The following SYNE2 variants were observed in gnomAD, a reference collection of about 807,000 sequenced individuals.
SYNE2 encodes the protein nesprin-2.
SYNE2 carries 431 observed loss-of-function variants against 856.3 expected under a neutral mutation model. The ratio of observed to expected loss-of-function variants is 0.50; its 90% CI spans 0.47 to 0.55. The LOEUF (loss-of-function observed/expected upper bound fraction) is 0.55. Ranked by LOEUF, SYNE2 falls within the 20% of genes least tolerant of loss-of-function variation. The pLI is 0.00. For synonymous variants in SYNE2, 2,923 were observed against 2,872.3 expected (o/e 1.02, Z -0.56); for missense variants, 8,129 against 8,023.2 (o/e 1.01, Z -0.50).
intron 1 of SYNE2, among the ~76,000 whole-genome samples, chr14:63,775,368 A>T (rs1244907135): frequency 2.0e-5 from 3 of 150,532 alleles, no homozygotes; most frequent in African/African-American, 7.4e-5. Context: ...CCTGCCTCCC[A>T]GTTTCAAGTG....
chr14:64,189,487 T>C (rs951981487), intron 98 of SYNE2, among the ~76,000 whole-genome samples: 4 of 152,212 alleles, frequency 2.6e-5, no homozygotes, highest in African/African-American at 9.6e-5. Flanking sequence ...TCTGGAAAAC[T>C]GTAACTGATA....
At chr14:64,036,918 A>G (rs2153555265) in intron 45 of SYNE2, among the ~76,000 whole-genome samples, 1 of 152,256 alleles carries the variant, frequency 6.6e-6, no homozygotes, top group Middle Eastern at 3.4e-3. Flanking sequence ...GATACACATT[A>G]ATCAACTAAT....
intron 1 of SYNE2, among the ~76,000 whole-genome samples, chr14:63,773,649 A>G (rs530430654): frequency 6.6e-6 from 1 of 152,012 alleles, no homozygotes; most frequent in Admixed American, 6.6e-5. Flanking sequence ...ATAGACTGAA[A>G]CTCCTCGGTT....
chr14:64,118,307 T>A (rs2097867457), intron 66 of SYNE2, among the ~76,000 whole-genome samples: 1 of 152,170 alleles, frequency 6.6e-6, no homozygotes, highest in Non-Finnish European at 1.5e-5. Context: ...ACTTGATCTG[T>A]TGAGCAGGAA....
chr14:64,224,547 GGTAAGAAGCCCCTTCCTTCT>G lies in SYNE2; in HGVS notation c.20469+3_20469+22del. The G allele has an allele frequency of 4.3e-6, 7 of 1,614,030 alleles. No individual in the cohort carries two copies. The highest frequency in any genetic ancestry group is 5.9e-6 in the Non-Finnish European group (7 of 1,179,994). On this transcript the variant is annotated splice_donor_variant and splice_donor_5th_base_variant and intron_variant, in intron 114 of 115. Coordinates refer to ENST00000555002, the MANE Select transcript of SYNE2 (RefSeq NM_182914.3). LOFTEE classifies it high-confidence loss of function. ...CATCCGTGCCAGCTCCCCGAGCAAA[GGTAAGAAGCCCCTTCCTTCT>G]GTGAGAACCTCACTGGTTATTTTTT...
chr14:64,201,013 C>T (rs1482714663), intron 99 of SYNE2, among the ~76,000 whole-genome samples: 4 of 152,194 alleles, frequency 2.6e-5, no homozygotes, highest in Admixed American at 6.5e-5. Context: ...TCATGTGGTC[C>T]AGCATTCACT....
intron 2 of SYNE2, among the ~76,000 whole-genome samples, chr14:63,923,067 G>C (rs1232390093): frequency 6.6e-6 from 1 of 152,166 alleles, no homozygotes; most frequent in Non-Finnish European, 1.5e-5. Flanking sequence ...GTAGCAAGGA[G>C]TAACAAATAT....
intron 1 of SYNE2, among the ~76,000 whole-genome samples, chr14:63,822,514 GAT>G (rs35251628): frequency 0.062 from 9,425 of 152,228 alleles, 319 homozygotes; most frequent in Admixed American, 0.1. Context: ...CTGAGGCAGT[GAT>G]ACCAGTTAGA....
intron 96 of SYNE2, among the ~76,000 whole-genome samples, chr14:64,182,430 C>G (rs887243827): frequency 1.3e-5 from 2 of 151,272 alleles, no homozygotes; most frequent in South Asian, 2.1e-4. Flanking sequence ...TTGGGTGTTT[C>G]TCGCAGAGGG....
At chr14:63,807,819 T>TTATATATA (rs71120288) in intron 1 of SYNE2, among the ~76,000 whole-genome samples, 275 of 25,434 alleles carry the variant, frequency 0.011, 7 homozygotes, top group East Asian at 0.018. Flanking sequence ...TACTCCAGGC[T>TTATATATA]TATATATATA....
rs777864887 is a variant in SYNE2, at chr14:63,990,482, A to G, written c.2385A>G (p.Ile795Met). Residue 795 changes from isoleucine to methionine, a missense_variant, in exon 20 of 116, where the codon ATA (isoleucine) becomes ATG (methionine). Ile to Met is a conservative substitution (Grantham distance 10). Around this residue, in one of 3 missense-constraint regions of SYNE2, gnomAD observed 2,422 missense variants for 2,357.4 expected, o/e 1.03. Transcript: ENST00000555002. The part of the protein sequence containing the change: ...ARSEDMLQMD[I>M]QNISSQESFQ... ...GTGAAGATATGTTACAAATGGATAT[A>G]CAAAATATTTCAAGCCAGGAGTCCT... is the stretch of plus-strand genomic sequence containing the variant. The G allele has an allele frequency of 8.1e-6, 13 of 1,613,848 alleles. No individual in the cohort carries two copies. In the South Asian group the frequency reaches 1.4e-4, roughly 18 times the overall value.
At chr14:64,191,268 A>T in intron 99 of SYNE2, 1 of 227,374 alleles carries the variant, frequency 4.4e-6, no homozygotes, top group South Asian at 1.7e-4. Flanking sequence ...AACCTGAGTC[A>T]ATCAACAGAG....
intron 1 of SYNE2, among the ~76,000 whole-genome samples, chr14:63,777,758 T>C (rs1470849502): frequency 6.6e-6 from 1 of 152,142 alleles, no homozygotes; most frequent in Non-Finnish European, 1.5e-5. Context: ...AACCCGGAAC[T>C]CCTGGGCCTA....
At chr14:64,171,206 T>A (rs2098408966) in intron 94 of SYNE2, among the ~76,000 whole-genome samples, 2 of 152,226 alleles carry the variant, frequency 1.3e-5, no homozygotes, top group African/African-American at 4.8e-5. Context: ...CCCATGGAGC[T>A]GTAGAGCTAC....
intron 48 of SYNE2, among the ~76,000 whole-genome samples, chr14:64,054,910 G>C (rs2097257204): frequency 1.3e-5 from 2 of 152,196 alleles, no homozygotes; most frequent in South Asian, 4.1e-4. Flanking sequence ...CTATGGCAAT[G>C]TAAAGTATTA....
rs79037871 is a variant in SYNE2 at position 63,983,805 on chromosome 14, A to G, written c.2070A>G (p.Leu690=). The change falls in exon 18 of 116, where the codon CTA becomes CTG. Residue 690 remains leucine, a synonymous_variant. Transcript: ENST00000555002. ...CTTTTGACAATTCTGGAAATATTCT[A>G]TCTAAAGAAGAGAAAGCAACTGTTG... is the stretch of plus-strand genomic sequence containing the variant. ...QPTFDNSGNI[L]SKEEKATVEF... The G allele has an allele frequency of 1.1e-3, 1,703 of 1,611,738 alleles. 16 individuals are homozygous for G. The Admixed American group carries it at 0.018, about 17-fold the overall frequency.
chr14:63,901,654 A>G (rs943985591), intron 1 of SYNE2, among the ~76,000 whole-genome samples: 9 of 152,204 alleles, frequency 5.9e-5, no homozygotes, highest in Admixed American at 2.0e-4. Context: ...GCTGGCTGCA[A>G]TTGCTCACAT....
At chr14:63,986,047 G>A (rs1250099769) in intron 18 of SYNE2, among the ~76,000 whole-genome samples, 2 of 152,168 alleles carry the variant, frequency 1.3e-5, no homozygotes, top group Admixed American at 1.3e-4. Context: ...TACATCTTAT[G>A]TCATTAAAAT....
chr14:64,065,550 C>T lies in SYNE2; in HGVS notation c.10331C>T (p.Ser3444Leu), dbSNP rs372338837. 54 of 1,613,904 alleles carry T rather than the reference C, an allele frequency of 3.3e-5. No individual in the cohort carries two copies. The African/African-American group carries it at 4.1e-4, about 12-fold the overall frequency. Residue 3444 changes from serine to leucine, a missense_variant, in exon 51 of 116, where the codon TCG becomes TTG. Around this residue, in one of 3 missense-constraint regions of SYNE2, gnomAD observed 5,410 missense variants for 5,284.8 expected, o/e 1.02. Coordinates refer to ENST00000555002, the MANE Select transcript of SYNE2 (RefSeq NM_182914.3). ...GGCATATGTTTGCTCAAGATTGTGTCGGCTCTGTGGGAGAAATGGCTGAGT... is the reference window on the plus strand; with the variant it reads ...GGCATATGTTTGCTCAAGATTGTGTTGGCTCTGTGGGAGAAATGGCTGAGT... The part of the protein sequence containing the change: ...NDGICLLKIV[S>L]ALWEKWLSLL...
Sources: allele counts gnomAD v4.1 joint callset (sites outside exome capture counted in the v4.1 genomes callset), GRCh38; gene constraint gnomAD v4.1.1; regional missense constraint gnomAD v4.1.1; transcripts MANE v1.5; gene names NCBI Gene and HGNC (gene_info 2026-07-23, HGNC 2026-07-21).